The following DIAPH3 variants were observed in gnomAD, a reference collection of about 807,000 sequenced individuals.
DIAPH3 encodes the protein diaphanous related formin 3, also known as protein diaphanous homolog 3.
DIAPH3 carries 117 observed loss-of-function variants against 144.3 expected under a neutral mutation model. The observed-to-expected ratio is 0.81, with a 90% CI of 0.70 to 0.95. DIAPH3 has a LOEUF of 0.95. DIAPH3 is among the 40% of genes least tolerant of loss of function. DIAPH3 has a pLI of 0.00. For missense variants in DIAPH3, 1,421 were observed against 1,412.7 expected (o/e 1.01, Z -0.09); for synonymous variants, 519 against 488.9 (o/e 1.06, Z -0.81).
intron 22 of DIAPH3, among the ~76,000 whole-genome samples, chr13:59,840,795 C>G (rs1026228953): frequency 2.1e-4 from 30 of 145,442 alleles, no homozygotes; most frequent in African/African-American, 6.8e-4. Context: ...TGGATTTACA[C>G]TCATGCATAT....
intron 3 of DIAPH3, among the ~76,000 whole-genome samples, chr13:60,104,306 G>T (rs2058349840): frequency 6.6e-6 from 1 of 151,720 alleles, no homozygotes; most frequent in African/African-American, 2.4e-5. Flanking sequence ...TATATTTTTT[G>T]GTTTTACCAA....
chr13:60,001,220 C>T (rs960884493), intron 9 of DIAPH3, among the ~76,000 whole-genome samples: 1 of 152,204 alleles, frequency 6.6e-6, no homozygotes, highest in African/African-American at 2.4e-5. Flanking sequence ...TCCTCTCCTA[C>T]AGCACATCCT....
chr13:60,044,837 G>A (rs954956051), intron 4 of DIAPH3, among the ~76,000 whole-genome samples: 3 of 152,096 alleles, frequency 2.0e-5, no homozygotes, highest in Non-Finnish European at 4.4e-5. Flanking sequence ...GAATCATGAG[G>A]ACGGTTACCT....
chr13:60,043,065 A>C (rs1157889731), intron 4 of DIAPH3, among the ~76,000 whole-genome samples: 2 of 152,216 alleles, frequency 1.3e-5, no homozygotes, highest in Non-Finnish European at 2.9e-5. Context: ...TCTCAAATGT[A>C]AAATGACATG....
intron 4 of DIAPH3, among the ~76,000 whole-genome samples, chr13:60,088,869 G>A (rs544870759): frequency 2.0e-5 from 3 of 152,042 alleles, no homozygotes; most frequent in Admixed American, 6.5e-5. Flanking sequence ...TGATCCACCC[G>A]CCTCGGCCTC....
intron 4 of DIAPH3, among the ~76,000 whole-genome samples, chr13:60,064,410 C>T (rs1421561676): frequency 6.6e-6 from 1 of 152,206 alleles, no homozygotes; most frequent in Non-Finnish European, 1.5e-5. Flanking sequence ...GGATAACTTG[C>T]TGCAGCTGCT....
chr13:60,046,863 T>C (rs1357924207), intron 4 of DIAPH3, among the ~76,000 whole-genome samples: 1 of 151,498 alleles, frequency 6.6e-6, no homozygotes, highest in African/African-American at 2.4e-5. Context: ...CTCAGCAAAC[T>C]AACAACAAGA....
chr13:60,095,484 G>T (rs1222651369), intron 3 of DIAPH3, among the ~76,000 whole-genome samples: 1 of 152,128 alleles, frequency 6.6e-6, no homozygotes, highest in African/African-American at 2.4e-5. Context: ...TAGGAAAGGG[G>T]TGGTAACTTC....
intron 27 of DIAPH3, among the ~76,000 whole-genome samples, chr13:59,679,614 A>T (rs2032835186): frequency 6.6e-6 from 1 of 152,236 alleles, no homozygotes; most frequent in Non-Finnish European, 1.5e-5. Flanking sequence ...ATGGACAAGG[A>T]GGACAAGATA....
At chr13:60,137,045 A>G (rs1318548672) in intron 1 of DIAPH3, among the ~76,000 whole-genome samples, 1 of 152,166 alleles carries the variant, frequency 6.6e-6, no homozygotes, top group East Asian at 1.9e-4. Context: ...CTAAGCTAAA[A>G]ACTCATCCTT....
chr13:59,739,747 G>A (rs2036351081), intron 27 of DIAPH3, among the ~76,000 whole-genome samples: 1 of 152,016 alleles, frequency 6.6e-6, no homozygotes, highest in Admixed American at 6.6e-5. Context: ...CAGCGCTACA[G>A]AGACTCCTGC....
At chr13:60,151,417 C>A (rs545470177) in intron 1 of DIAPH3, among the ~76,000 whole-genome samples, 1 of 152,314 alleles carries the variant, frequency 6.6e-6, no homozygotes, top group Admixed American at 6.5e-5. Context: ...GGTGGGACTT[C>A]AGAGCCACAT....
intron 12 of DIAPH3, among the ~76,000 whole-genome samples, chr13:59,989,888 A>T (rs905314937): frequency 6.6e-6 from 1 of 151,872 alleles, no homozygotes; most frequent in Non-Finnish European, 1.5e-5. Flanking sequence ...TGGGTACTCA[A>T]ACAGCATCAA....
intron 21 of DIAPH3, among the ~76,000 whole-genome samples, chr13:59,872,671 T>C (rs901788882): frequency 1.3e-5 from 2 of 152,190 alleles, no homozygotes; most frequent in Admixed American, 6.5e-5. Context: ...GAATGGAGTG[T>C]CTTGTTTCTG....
chr13:59,669,836 G>A (rs979796988), intron 27 of DIAPH3, among the ~76,000 whole-genome samples: 2 of 151,860 alleles, frequency 1.3e-5, no homozygotes, highest in Admixed American at 6.6e-5. Flanking sequence ...TTAATTCCTC[G>A]CTCCCTATTT....
rs117135868 is a variant in DIAPH3, at chr13:59,887,856, G to A, written c.2368-8388C>T. Among the ~76,000 whole-genome samples the A allele has an allele frequency of 8.1e-3, 1,233 of 151,810 alleles. 11 individuals carry two copies. The highest frequency in any genetic ancestry group is 0.013 in the Non-Finnish European group (878 of 67,892). On this transcript the variant is annotated intron_variant, in intron 20 of 27. Coordinates refer to ENST00000400324, the MANE Select transcript of DIAPH3 (RefSeq NM_001042517.2). ...ATATTTTTCCATTTTTTTCTGCCAG[G>A]TTTTGCTTCATAAATTTTGATGCTC... is the stretch of plus-strand genomic sequence containing the variant.
chr13:59,958,851 T>C (rs900110922), intron 17 of DIAPH3, among the ~76,000 whole-genome samples: 1 of 149,634 alleles, frequency 6.7e-6, no homozygotes, highest in Non-Finnish European at 1.5e-5. Flanking sequence ...TTGATATAGA[T>C]CTAAACTTCA....
intron 8 of DIAPH3, among the ~76,000 whole-genome samples, chr13:60,009,824 A>G (rs1233738577): frequency 1.3e-5 from 2 of 152,132 alleles, no homozygotes; most frequent in Non-Finnish European, 2.9e-5. Context: ...GCCAACCCCT[A>G]CATATGGGGG....
chr13:60,060,076 T>A (rs1471324051), intron 4 of DIAPH3, among the ~76,000 whole-genome samples: 1 of 152,082 alleles, frequency 6.6e-6, no homozygotes, highest in Non-Finnish European at 1.5e-5. Context: ...TCCTTTTTTT[T>A]CTTTTCTTGA....
Sources: gnomAD v4.1 joint callset for allele counts (sites outside exome capture counted in the v4.1 genomes callset) on GRCh38, gnomAD v4.1.1 for gene constraint, MANE v1.5 for transcripts, NCBI Gene and HGNC (gene_info 2026-07-23, HGNC 2026-07-21) for gene names.